Variants in RAP1GAP2 observed in about 807,000 individuals in gnomAD.
The protein encoded by RAP1GAP2 is RAP1 GTPase activating protein 2, also known as rap1 GTPase-activating protein 2.
Under a neutral mutation model 95.0 loss-of-function variants are expected in RAP1GAP2, and 27 were observed. That is an observed-to-expected ratio of 0.28 (90% CI 0.21 to 0.39). The LOEUF is 0.39. RAP1GAP2 is among the 10% of genes least tolerant of loss of function. The probability of loss-of-function intolerance (pLI) is 1.00; values close to 1 mark genes in which losing one functional copy is unlikely to be tolerated. For synonymous variants in RAP1GAP2, 373 were observed against 380.9 expected, an observed-to-expected ratio of 0.98 and a Z score of 0.24; for missense variants, 771 against 970.0, an observed-to-expected ratio of 0.79 and a Z score of 2.72.
At position 3,035,101 on chromosome 17, in the gene RAP1GAP2, G is replaced by C. The variant is rs1020756733; in HGVS notation, c.*1740G>C. 2 of 152,324 alleles carry C rather than the reference G, an allele frequency of 1.3e-5. No individual in the cohort carries two copies. Among genetic ancestry groups the C allele is most frequent in the Admixed American group, 1.3e-4 (2 of 15,244 alleles). 9.4% of individuals were successfully genotyped at this position (152,324 alleles called of 1,614,324 possible). A position where few individuals can be genotyped will look rare whatever the true frequency, so the allele number is the denominator to read the frequency against. On this transcript the variant is annotated 3_prime_UTR_variant, in exon 25 of 25. Transcript: ENST00000254695. This position sits in a 1 kb window ranked among gnomAD's most constrained non-coding sequence, Gnocchi z 4.3. ...ATGATTGAGTCCTGTTTGCAAGCTG[G>C]AGAGGAGCTCTCCCTTTGCTAGTAC...
At chr17:2,840,295 C>T (rs2071316207) in intron 2 of RAP1GAP2, among the ~76,000 whole-genome samples, 1 of 151,886 alleles carries the variant, frequency 6.6e-6, no homozygotes, top group South Asian at 2.1e-4. Flanking sequence ...TCCCGAGTAG[C>T]TGGGATTACA....
chr17:2,896,007 C>T (rs920958151), intron 2 of RAP1GAP2, among the ~76,000 whole-genome samples: 1 of 152,166 alleles, frequency 6.6e-6, no homozygotes, highest in Non-Finnish European at 1.5e-5. Flanking sequence ...CCCTCCCCTT[C>T]CCCGCTTCTC....
At chr17:2,853,561 G>A (rs1002692832) in intron 2 of RAP1GAP2, among the ~76,000 whole-genome samples, 1 of 150,820 alleles carries the variant, frequency 6.6e-6, no homozygotes, top group South Asian at 2.1e-4. Context: ...GAGCCGGGCA[G>A]GGGGGTCCCG....
intron 1 of RAP1GAP2, chr17:2,755,880 G>A (rs961501049): frequency 6.5e-6 from 2 of 305,760 alleles, no homozygotes; most frequent in East Asian, 9.9e-5. Context: ...CTGAGGCTGC[G>A]GGGCCCGGGT....
chr17:2,894,220 A>G (rs767441037), intron 2 of RAP1GAP2, among the ~76,000 whole-genome samples: 21 of 152,174 alleles, frequency 1.4e-4, no homozygotes, highest in Non-Finnish European at 8.8e-5. Context: ...CCTGAGGTCA[A>G]GGGTTTGAGA....
intron 1 of RAP1GAP2, among the ~76,000 whole-genome samples, chr17:2,769,033 C>A (rs1567634323): frequency 6.6e-6 from 1 of 151,120 alleles, no homozygotes; most frequent in Non-Finnish European, 1.5e-5. Context: ...TCAAGACCAG[C>A]CTGGGCAACA....
intron 8 of RAP1GAP2, among the ~76,000 whole-genome samples, chr17:2,978,057 A>T (rs1019076308): frequency 5.3e-5 from 8 of 152,144 alleles, no homozygotes; most frequent in Non-Finnish European, 7.3e-5. Flanking sequence ...CACCTTAACT[A>T]AGCATTTATG....
chr17:2,885,020 A>ATTTC (rs2073435463), intron 2 of RAP1GAP2, among the ~76,000 whole-genome samples: 4 of 115,168 alleles, frequency 3.5e-5, no homozygotes, highest in East Asian at 2.6e-4. Flanking sequence ...CATTTCTTTT[A>ATTTC]TTTCTTTCTT....
At chr17:2,999,875 G>T (rs531216831) in intron 14 of RAP1GAP2, among the ~76,000 whole-genome samples, 33 of 152,192 alleles carry the variant, frequency 2.2e-4, no homozygotes, top group Admixed American at 1.8e-3. Flanking sequence ...ATTCCTTCAT[G>T]CCCAGGCTCA....
intron 2 of RAP1GAP2, among the ~76,000 whole-genome samples, chr17:2,801,595 G>T (rs1256129262): frequency 1.3e-5 from 1 of 78,076 alleles, no homozygotes. Context: ...ACACTCCAGG[G>T]TATGTGTGTG....
chr17:2,819,245 C>A (rs2070176309), intron 2 of RAP1GAP2, among the ~76,000 whole-genome samples: 1 of 151,848 alleles, frequency 6.6e-6, no homozygotes, highest in Non-Finnish European at 1.5e-5. Context: ...TGGTCTCGAT[C>A]TCCTGACCTC....
At chr17:2,794,710 T>C (rs1004855678), upstream of RAP1GAP2, among the ~76,000 whole-genome samples, 4 of 151,898 alleles carry the variant, frequency 2.6e-5, no homozygotes, top group Non-Finnish European at 5.9e-5. Context: ...GTCAAGAAAA[T>C]AGAAATCCTT....
chr17:2,973,279 G>C (rs1173340679), intron 8 of RAP1GAP2, among the ~76,000 whole-genome samples: 1 of 152,142 alleles, frequency 6.6e-6, no homozygotes, highest in Non-Finnish European at 1.5e-5. Context: ...ACTTTGGGTG[G>C]CCAAGGCAGG....
rs1239181263 is a variant in RAP1GAP2, at chr17:2,784,037, ATC to A, written c.-14+6762_-14+6763del. 5.3e-5 allele frequency among the ~76,000 whole-genome samples: 8 copies of A among 152,248 alleles called. No homozygotes were observed. In the East Asian group the frequency reaches 1.5e-3, roughly 29 times the overall value. On this transcript the variant is annotated intron_variant, in intron 1 of 24. Coordinates refer to the RAP1GAP2 transcript ENST00000540393. ...GCCCAGGGTGGAATGCAGTGGCGCAATCTCGGCTCACTGCAACCTCTACCTCC... is the reference window on the plus strand; with the variant it reads ...GCCCAGGGTGGAATGCAGTGGCGCAATCGGCTCACTGCAACCTCTACCTCC...
chr17:3,016,146 C>T (rs2046758898), intron 17 of RAP1GAP2, among the ~76,000 whole-genome samples: 1 of 152,240 alleles, frequency 6.6e-6, no homozygotes, highest in Admixed American at 6.5e-5. Context: ...GGCTTGTCAG[C>T]TTTGTCCCTC....
chr17:2,957,919 T>C (rs1227893936), intron 4 of RAP1GAP2, 125 bp downstream of exon 4: 1 of 1,040,900 alleles, frequency 9.6e-7, no homozygotes, highest in Admixed American at 2.9e-5. Flanking sequence ...AAGAGACAAT[T>C]GCATCCCCTT....
Position 2,786,146 on chromosome 17 carries a change from C to T in RAP1GAP2, c.-14+8868C>T, listed in dbSNP as rs570702364. On this transcript the variant is annotated intron_variant, in intron 1 of 24. Coordinates refer to the RAP1GAP2 transcript ENST00000540393. ...GAACTCCTGACCTCAGGTGATCCGT[C>T]CGCCTCGGCCTCCCACAGTGCTGGG... Among the ~76,000 whole-genome samples the T allele has an allele frequency of 4.4e-4, 67 of 152,286 alleles. No individual in the cohort carries two copies. The East Asian group carries it at 5.2e-3, about 12-fold the overall frequency.
intron 2 of RAP1GAP2, among the ~76,000 whole-genome samples, chr17:2,842,922 C>T (rs2151574522): frequency 6.6e-6 from 1 of 152,272 alleles, no homozygotes; most frequent in South Asian, 2.1e-4. Context: ...CTCTCTCTTC[C>T]TCCCTTCCGT....
chr17:2,872,556 GC>G (rs1454500354), intron 2 of RAP1GAP2, among the ~76,000 whole-genome samples: 11 of 152,222 alleles, frequency 7.2e-5, no homozygotes, highest in Non-Finnish European at 1.3e-4. Context: ...AGCAGGGACA[GC>G]CCTTCCCGGC....
Sources: gnomAD v4.1 joint callset for allele counts (sites outside exome capture counted in the v4.1 genomes callset) on GRCh38, gnomAD v4.1.1 for gene constraint, Gnocchi (gnomAD v3.1) non-coding constraint, MANE v1.5 for transcripts, NCBI Gene and HGNC (gene_info 2026-07-23, HGNC 2026-07-21) for gene names.